PTPRN2: variants seen among roughly 807,000 people sequenced by gnomAD.
The protein encoded by PTPRN2 is protein tyrosine phosphatase receptor type N2, also known as receptor-type tyrosine-protein phosphatase N2.
In PTPRN2, 74 loss-of-function variants were observed where a neutral mutation model predicts 118.8. That is an observed-to-expected ratio of 0.62 (90% CI 0.52 to 0.76). PTPRN2 has a LOEUF of 0.76. Ranked by LOEUF, PTPRN2 falls within the 30% of genes least tolerant of loss-of-function variation. The pLI is 0.00. For synonymous variants in PTPRN2, 641 were observed against 608.0 expected (o/e 1.05, Z -0.80); for missense variants, 1,481 against 1,394.4 (o/e 1.06, Z -0.99).
rs1294499589 is a variant in PTPRN2 at position 157,632,180 on chromosome 7, T to C, written c.2197-10671A>G. Among the ~76,000 whole-genome samples, 2 of 152,196 alleles carry C rather than the reference T, an allele frequency of 1.3e-5. No homozygotes were observed. The highest frequency in any genetic ancestry group is 2.9e-5 in the Non-Finnish European group (2 of 68,040). On this transcript the variant is annotated intron_variant, in intron 14 of 22. Coordinates refer to ENST00000389418, the MANE Select transcript of PTPRN2 (RefSeq NM_002847.5). The surrounding 1 kb of genome is among the most constrained non-coding windows in gnomAD (Gnocchi z 4.3). ...AGAAATCACACTGACAAAGGAGTTC[T>C]TACACAATGCCCAGGTGACCTGCAG...
intron 11 of PTPRN2, among the ~76,000 whole-genome samples, chr7:158,019,140 C>T (rs1019820169): frequency 2.6e-5 from 4 of 152,214 alleles, no homozygotes; most frequent in African/African-American, 7.2e-5. Flanking sequence ...GCCGGACCAC[C>T]GAAGGGCTCA....
At chr7:157,879,071 C>T (rs10229858) in intron 12 of PTPRN2, among the ~76,000 whole-genome samples, 4,717 of 106,660 alleles carry the variant, frequency 0.044, 80 homozygotes, top group East Asian at 0.057. Flanking sequence ...CTCTCAGATT[C>T]CATGGGGCTG....
At chr7:158,021,421 C>T (rs546170150) in intron 11 of PTPRN2, among the ~76,000 whole-genome samples, 4 of 152,176 alleles carry the variant, frequency 2.6e-5, no homozygotes, top group South Asian at 2.1e-4. Flanking sequence ...TCAGTGATGC[C>T]GGCAAAAACC....
chr7:157,924,799 C>T (rs1798877448), intron 11 of PTPRN2, among the ~76,000 whole-genome samples: 2 of 152,280 alleles, frequency 1.3e-5, no homozygotes, highest in East Asian at 1.9e-4. Context: ...AAAACACCTC[C>T]ACTGAAGCTC....
chr7:158,159,539 C>T (rs995047290), intron 6 of PTPRN2, among the ~76,000 whole-genome samples: 4 of 152,134 alleles, frequency 2.6e-5, no homozygotes, highest in Admixed American at 2.0e-4. Context: ...CTCTGGAGGG[C>T]GCAGAACCAA....
chr7:157,722,433 C>G (rs910508836), intron 12 of PTPRN2, among the ~76,000 whole-genome samples: 1 of 152,170 alleles, frequency 6.6e-6, no homozygotes, highest in Non-Finnish European at 1.5e-5. Context: ...GAGGCAGAAC[C>G]TGGGACCCAG....
chr7:158,542,127 G>A (rs923847044), intron 1 of PTPRN2, among the ~76,000 whole-genome samples: 6 of 152,104 alleles, frequency 3.9e-5, no homozygotes, highest in Non-Finnish European at 5.9e-5. Flanking sequence ...ATTCAAACCA[G>A]CCCCTTCTTT....
At chr7:158,341,427 C>A (rs372577557) in intron 2 of PTPRN2, among the ~76,000 whole-genome samples, 5 of 68,688 alleles carry the variant, frequency 7.3e-5, no homozygotes, top group Non-Finnish European at 1.3e-4. Context: ...TCACTCACAC[C>A]CACACTCTCA....
In PTPRN2 at chr7:157,676,291, C is replaced by G. The variant is rs888081279; in HGVS notation, c.2001+6434G>C. On this transcript the variant is annotated intron_variant, in intron 13 of 22. Transcript: ENST00000389418. This position sits in a 1 kb window ranked among gnomAD's most constrained non-coding sequence, Gnocchi z 5.6. ...CAGATGGCTCCAGCACCTGCCCCAG[C>G]CACGCCTCCATCTCCCGCCAGCCGC... 2.0e-5 allele frequency among the ~76,000 whole-genome samples: 3 copies of G among 152,142 alleles called. No individual in the cohort carries two copies. Among genetic ancestry groups the G allele is most frequent in the Non-Finnish European group, 1.5e-5 (1 of 68,026 alleles).
At chr7:157,775,662 CG>C (rs1563095400) in intron 12 of PTPRN2, among the ~76,000 whole-genome samples, 3 of 152,150 alleles carry the variant, frequency 2.0e-5, no homozygotes, top group African/African-American at 7.2e-5. Context: ...GGCGCAGCCT[CG>C]GGGCAGTCCC....
At chr7:158,341,745 C>G (rs1806855851) in intron 2 of PTPRN2, among the ~76,000 whole-genome samples, 1 of 145,878 alleles carries the variant, frequency 6.9e-6, no homozygotes, top group Non-Finnish European at 1.5e-5. Context: ...ACGTCACTCA[C>G]ACCGACACTC....
chr7:158,510,080 T>G (rs1044881295), intron 1 of PTPRN2, among the ~76,000 whole-genome samples: 3 of 152,184 alleles, frequency 2.0e-5, no homozygotes, highest in Admixed American at 1.3e-4. Flanking sequence ...CTTGGATCAG[T>G]GGAGACACCC....
intron 12 of PTPRN2, among the ~76,000 whole-genome samples, chr7:157,892,467 T>G (rs1171662575): frequency 6.6e-6 from 1 of 152,250 alleles, no homozygotes. Flanking sequence ...TGTAATCTGT[T>G]CATTTCCTTT....
At chr7:158,541,409 T>TA in intron 1 of PTPRN2, 1 of 1,339,344 alleles carries the variant, frequency 7.5e-7, no homozygotes, top group Admixed American at 2.0e-5. Context: ...AAAGCAAGCA[T>TA]TATTCCACCC....
At chr7:158,083,668 T>C (rs551337668) in intron 10 of PTPRN2, among the ~76,000 whole-genome samples, 48 of 152,306 alleles carry the variant, frequency 3.2e-4, no homozygotes, top group Non-Finnish European at 1.0e-4. Flanking sequence ...ATGCCGAGCG[T>C]CACCATTGCG....
intron 3 of PTPRN2, among the ~76,000 whole-genome samples, chr7:158,242,795 T>C (rs538893228): frequency 6.6e-6 from 1 of 152,360 alleles, no homozygotes; most frequent in Admixed American, 6.5e-5. Context: ...TCTTCCAGAT[T>C]GTCCAATGTC....
chr7:157,830,180 G>C (rs1256206031), intron 12 of PTPRN2, among the ~76,000 whole-genome samples: 1 of 151,594 alleles, frequency 6.6e-6, no homozygotes, highest in Non-Finnish European at 1.5e-5. Context: ...CCTGCTCACT[G>C]GCAGCTGAGC....
chr7:157,792,864 G>A (rs924507945), intron 12 of PTPRN2, among the ~76,000 whole-genome samples: 4 of 152,166 alleles, frequency 2.6e-5, no homozygotes, highest in Non-Finnish European at 4.4e-5. Context: ...GTGTGCAATC[G>A]ATGGGCACTG....
intron 12 of PTPRN2, among the ~76,000 whole-genome samples, chr7:157,772,741 G>A (rs1006741774): frequency 2.0e-5 from 3 of 152,264 alleles, no homozygotes; most frequent in Admixed American, 6.5e-5. Flanking sequence ...CCTGTGGGGG[G>A]TGGGAGAACA....
Sources: allele counts gnomAD v4.1 joint callset (sites outside exome capture counted in the v4.1 genomes callset), GRCh38; gene constraint gnomAD v4.1.1; non-coding constraint Gnocchi (gnomAD v3.1); transcripts MANE v1.5; gene names NCBI Gene and HGNC (gene_info 2026-07-23, HGNC 2026-07-21).